The following MGMT variants were observed in gnomAD, a reference collection of about 807,000 sequenced individuals.
The protein encoded by MGMT is methylated-DNA--protein-cysteine methyltransferase.
In MGMT, 14 loss-of-function variants were observed where a neutral mutation model predicts 15.9. The ratio of observed to expected loss-of-function variants is 0.88; its 90% CI spans 0.58 to 1.37. The LOEUF is 1.37. Ranked by LOEUF, MGMT falls within the 40% of genes most tolerant of loss-of-function variation. The pLI is 0.00. For missense variants in MGMT, 282 were observed against 268.1 expected, an observed-to-expected ratio of 1.05 and a Z score of -0.36; for synonymous variants, 130 against 118.2, an observed-to-expected ratio of 1.10 and a Z score of -0.65.
In MGMT at chr10:129,732,550, AT is replaced by A. The variant is rs928426402; in HGVS notation, c.274+24515del. ...ATGCCACATTTTCTTTTTTTTTGGC[AT>A]TTTTTTTAATTTATTATTATTATAC... On this transcript the variant is annotated intron_variant, in intron 3 of 4. Transcript: ENST00000651593. 4.0e-5 allele frequency among the ~76,000 whole-genome samples: 6 copies of A among 148,970 alleles called. No homozygotes were observed. In the South Asian group the frequency reaches 8.6e-4, roughly 21 times the overall value.
intron 1 of MGMT, among the ~76,000 whole-genome samples, chr10:129,509,347 ACCTTCCACGCC>A: frequency 6.6e-6 from 1 of 151,914 alleles, no homozygotes; most frequent in Non-Finnish European, 1.5e-5. Flanking sequence ...GCAGGATTGC[ACCTTCCACGCC>A]CAGCACACAC....
chr10:129,712,133 G>C (rs555619576), intron 3 of MGMT, among the ~76,000 whole-genome samples: 16 of 152,222 alleles, frequency 1.1e-4, no homozygotes, highest in Non-Finnish European at 1.5e-4. Context: ...ACGTCCTCAG[G>C]TCCCTGAGCC....
intron 1 of MGMT, among the ~76,000 whole-genome samples, chr10:129,494,237 C>T (rs1358632716): frequency 2.0e-5 from 3 of 152,150 alleles, no homozygotes; most frequent in Non-Finnish European, 4.4e-5. Context: ...AATTTTGAAG[C>T]CCCAATAGTG....
At chr10:129,467,382 C>T (rs1181109119) in intron 1 of MGMT, 86 bp downstream of exon 1, 18 of 1,393,326 alleles carry the variant, frequency 1.3e-5, no homozygotes, top group Non-Finnish European at 1.7e-5. Context: ...TGCAGGCGCC[C>T]TCACTTCGCC....
intron 2 of MGMT, among the ~76,000 whole-genome samples, chr10:129,649,335 A>G (rs1847431168): frequency 6.6e-6 from 1 of 152,136 alleles, no homozygotes; most frequent in Admixed American, 6.6e-5. Flanking sequence ...GTGTCGCTGT[A>G]TCTTCCCGCG....
At chr10:129,736,770 C>G (rs1219951648) in intron 3 of MGMT, among the ~76,000 whole-genome samples, 1 of 151,604 alleles carries the variant, frequency 6.6e-6, no homozygotes. Context: ...GACAAAATCT[C>G]TCAGCATTTG....
intron 1 of MGMT, among the ~76,000 whole-genome samples, chr10:129,477,642 C>G: frequency 6.6e-6 from 1 of 152,194 alleles, no homozygotes; most frequent in Non-Finnish European, 1.5e-5. Context: ...AGGCTGTGTG[C>G]AAGCCAGGAA....
chr10:129,553,967 C>T (rs529426991), intron 2 of MGMT, among the ~76,000 whole-genome samples: 38 of 152,356 alleles, frequency 2.5e-4, no homozygotes, highest in African/African-American at 8.7e-4. Context: ...ATGAGGAAGA[C>T]TCTCCCGGCT....
intron 1 of MGMT, among the ~76,000 whole-genome samples, chr10:129,514,910 C>G (rs534621674): frequency 6.6e-6 from 1 of 152,332 alleles, no homozygotes; most frequent in Admixed American, 6.5e-5. Context: ...ATGCCCCACC[C>G]GGAGATGGCC....
At chr10:129,516,845 C>T (rs974272985) in intron 1 of MGMT, among the ~76,000 whole-genome samples, 4 of 152,154 alleles carry the variant, frequency 2.6e-5, no homozygotes, top group East Asian at 1.9e-4. Context: ...GCTTATGGGT[C>T]GCTAATGTTA....
intron 3 of MGMT, among the ~76,000 whole-genome samples, chr10:129,755,074 C>T (rs1481870260): frequency 1.3e-5 from 2 of 152,214 alleles, no homozygotes; most frequent in African/African-American, 4.8e-5. Context: ...ATCTTCTTTC[C>T]AAGGCTGCCA....
At chr10:129,598,360 G>A (rs1846777314) in intron 2 of MGMT, among the ~76,000 whole-genome samples, 1 of 152,158 alleles carries the variant, frequency 6.6e-6, no homozygotes, top group African/African-American at 2.4e-5. Context: ...TGTATAAGGG[G>A]ATGATAGTGC....
intron 2 of MGMT, among the ~76,000 whole-genome samples, chr10:129,591,707 G>A (rs1203567070): frequency 6.6e-6 from 1 of 152,194 alleles, no homozygotes; most frequent in Non-Finnish European, 1.5e-5. Context: ...CGAGGTGGGT[G>A]GATCACAAGG....
At chr10:129,640,510 A>G (rs1847315998) in intron 2 of MGMT, among the ~76,000 whole-genome samples, 1 of 152,236 alleles carries the variant, frequency 6.6e-6, no homozygotes, top group Admixed American at 6.5e-5. Flanking sequence ...AAAATTTCAG[A>G]CGTAGTTGTC....
At chr10:129,680,179 G>A (rs1465221435) in intron 2 of MGMT, among the ~76,000 whole-genome samples, 1 of 152,146 alleles carries the variant, frequency 6.6e-6, no homozygotes, top group Non-Finnish European at 1.5e-5. Context: ...TTTTTTAACC[G>A]ACTGTATGAC....
chr10:129,576,740 C>A (rs1044725038), intron 2 of MGMT, among the ~76,000 whole-genome samples: 9 of 152,202 alleles, frequency 5.9e-5, no homozygotes, highest in African/African-American at 1.2e-4. Context: ...AAGAGGAAGT[C>A]AAATTGTCCC....
At chr10:129,765,742 C>A (rs950311846) in intron 4 of MGMT, among the ~76,000 whole-genome samples, 1 of 152,186 alleles carries the variant, frequency 6.6e-6, no homozygotes, top group Non-Finnish European at 1.5e-5. Flanking sequence ...CCTGCAGGAG[C>A]CCTAACAGTG....
chr10:129,497,607 G>A (rs1331923767), intron 1 of MGMT, among the ~76,000 whole-genome samples: 1 of 152,152 alleles, frequency 6.6e-6, no homozygotes, highest in Non-Finnish European at 1.5e-5. Flanking sequence ...GCGCTAACAC[G>A]GGTGCACTAC....
intron 1 of MGMT, among the ~76,000 whole-genome samples, chr10:129,485,801 C>G (rs4751088): frequency 0.065 from 9,849 of 152,208 alleles, 404 homozygotes; most frequent in Admixed American, 0.08. Flanking sequence ...TATTAGTGGA[C>G]TCATAAAAAT....
Sources: allele counts gnomAD v4.1 joint callset (sites outside exome capture counted in the v4.1 genomes callset), GRCh38; gene constraint gnomAD v4.1.1; transcripts MANE v1.5; gene names NCBI Gene and HGNC (gene_info 2026-07-23, HGNC 2026-07-21).